USP34: variants seen among roughly 807,000 people sequenced by gnomAD.
The protein encoded by USP34 is ubiquitin carboxyl-terminal hydrolase 34.
In USP34, 70 loss-of-function variants were observed where a neutral mutation model predicts 460.3. That is an observed-to-expected ratio of 0.15 (90% confidence interval 0.13 to 0.19). The LOEUF (loss-of-function observed/expected upper bound fraction) is 0.19. USP34 is among the 10% of genes least tolerant of loss of function. The pLI is 1.00. For synonymous variants in USP34, 1,647 were observed against 1,405.3 expected (o/e 1.17, Z -3.85); for missense variants, 3,985 against 4,236.2 (o/e 0.94, Z 1.65).
chr2:61,296,711 G>A (rs537186286), intron 30 of USP34, 89 bp downstream of exon 30: 1 of 1,343,052 alleles, frequency 7.4e-7, no homozygotes, highest in Admixed American at 2.5e-5. Flanking sequence ...ATTTACTGAG[G>A]GTACATCAAC....
At chr2:61,425,096 C>G (rs1371644569) in intron 1 of USP34, among the ~76,000 whole-genome samples, 2 of 152,138 alleles carry the variant, frequency 1.3e-5, no homozygotes, top group East Asian at 3.8e-4. Context: ...AGGTGTGGCC[C>G]ACTGCGCCCA....
intron 5 of USP34, among the ~76,000 whole-genome samples, chr2:61,389,000 C>T (rs1218130825): frequency 1.3e-5 from 2 of 151,644 alleles, no homozygotes; most frequent in Non-Finnish European, 2.9e-5. Flanking sequence ...ATATAAATTT[C>T]GGCATTTAAA....
In USP34 at chr2:61,400,969, G is replaced by A. The variant is rs184130698; in HGVS notation, c.552+4739C>T. Among the ~76,000 whole-genome samples the A allele has an allele frequency of 7.2e-5, 11 of 151,974 alleles. 1 individual carries two copies. The East Asian group carries it at 2.1e-3, about 30-fold the overall frequency. Reference sequence around the variant, plus strand: ...GATTGAGACCATCCTGGCCAACATGGTGAAACCCTGTCTCTACTAAAAATA... The same window carrying A: ...GATTGAGACCATCCTGGCCAACATGATGAAACCCTGTCTCTACTAAAAATA... On this transcript the variant is annotated intron_variant, in intron 3 of 79. Transcript: ENST00000398571.
chr2:61,309,722 T>C (rs937444459), intron 27 of USP34, among the ~76,000 whole-genome samples: 2 of 152,194 alleles, frequency 1.3e-5, no homozygotes, highest in African/African-American at 4.8e-5. Flanking sequence ...TTATGGTAGA[T>C]CATGAAGAGC....
intron 10 of USP34, among the ~76,000 whole-genome samples, chr2:61,359,929 C>T (rs915483276): frequency 6.6e-5 from 10 of 151,678 alleles, no homozygotes; most frequent in Non-Finnish European, 1.5e-4. Flanking sequence ...GGACTACAGG[C>T]GCCCACCACC....
intron 21 of USP34, among the ~76,000 whole-genome samples, chr2:61,324,218 G>A (rs769397546): frequency 1.3e-5 from 2 of 152,176 alleles, no homozygotes; most frequent in African/African-American, 2.4e-5. Context: ...AATCAAGCTC[G>A]TTCCTCTCTT....
intron 1 of USP34, among the ~76,000 whole-genome samples, chr2:61,422,266 G>A (rs1464778983): frequency 6.6e-6 from 1 of 152,142 alleles, no homozygotes; most frequent in African/African-American, 2.4e-5. Context: ...TCCTTCCCCA[G>A]CCATAACAGT....
Position 61,470,965 on chromosome 2 carries a change from G to T in USP34, c.-273C>A, listed in dbSNP as rs1416893482. Among the ~76,000 whole-genome samples, 24 of 141,052 alleles carry T rather than the reference G, an allele frequency of 1.7e-4. No individual in the cohort carries two copies. Among genetic ancestry groups the T allele is most frequent in the Admixed American group, 1.6e-3 (23 of 14,486 alleles). 92.5% of individuals were successfully genotyped at this position (141,052 alleles called of 152,430 possible). A position where few individuals can be genotyped will look rare whatever the true frequency, so the allele number is the denominator to read the frequency against. ...GCCGGCGGCGGGGAAGGGGGGGAAG[G>T]ACGGGGGGAGGGGAGAGGGGGGGAG... is the stretch of plus-strand genomic sequence containing the variant. On this transcript the variant is annotated 5_prime_UTR_variant, in exon 1 of 80. Coordinates refer to ENST00000398571, the MANE Select transcript of USP34 (RefSeq NM_014709.4).
At chr2:61,266,310 T>A (rs1474570349) in intron 41 of USP34, 143 bp from the exon 42 acceptor site, 1 of 754,072 alleles carries the variant, frequency 1.3e-6, no homozygotes, top group Admixed American at 3.0e-5. Context: ...CTGAAAGTCC[T>A]CCGTGTTCAT....
intron 69 of USP34, among the ~76,000 whole-genome samples, chr2:61,210,971 A>G (rs191780434): frequency 1.3e-5 from 2 of 152,310 alleles, no homozygotes; most frequent in Admixed American, 6.5e-5. Context: ...TAAGTAGTAA[A>G]CTTTGGGAAA....
chr2:61,438,233 T>C (rs1162682877), intron 1 of USP34, among the ~76,000 whole-genome samples: 2 of 151,922 alleles, frequency 1.3e-5, no homozygotes, highest in Admixed American at 6.6e-5. Flanking sequence ...ATCTTAGCAA[T>C]AGAATGAAGG....
intron 28 of USP34, 60 bp downstream of exon 28, chr2:61,301,294 C>T: frequency 1.9e-6 from 3 of 1,558,366 alleles, no homozygotes; most frequent in African/African-American, 1.4e-5. Flanking sequence ...ACATCTGCGA[C>T]TATTCAACTG....
rs757229366 is a variant in USP34 at position 61,349,298 on chromosome 2, G to GA, written c.1508-14dup. Reference sequence around the variant, plus strand: ...AGCTCTTCTTCCTCTGAAGGAAAAGGAAAAAACAGGAGAAAAACATTCTAA... The same window carrying GA: ...AGCTCTTCTTCCTCTGAAGGAAAAGGAAAAAAACAGGAGAAAAACATTCTAA... On this transcript the variant is annotated splice_polypyrimidine_tract_variant and intron_variant, in intron 12 of 79. Transcript: ENST00000398571. The GA allele has an allele frequency of 2.4e-5, 38 of 1,611,754 alleles. 1 individual carries two copies. In the Middle Eastern group the frequency reaches 1.3e-3, roughly 56 times the overall value.
intron 24 of USP34, 48 bp downstream of exon 24, chr2:61,314,827 C>G: frequency 6.3e-7 from 1 of 1,594,980 alleles, no homozygotes; most frequent in Non-Finnish European, 8.5e-7. Context: ...TTTCACAAAA[C>G]ACCCTCACAT....
chr2:61,248,289 C>T (rs184457556), intron 49 of USP34, among the ~76,000 whole-genome samples: 30 of 151,948 alleles, frequency 2.0e-4, no homozygotes, highest in African/African-American at 7.2e-4. Context: ...TCCTGTTCAC[C>T]ACTGTGTCTC....
intron 8 of USP34, among the ~76,000 whole-genome samples, chr2:61,372,715 A>G (rs902927564): frequency 1.2e-4 from 19 of 152,196 alleles, no homozygotes; most frequent in Middle Eastern, 3.2e-3. Flanking sequence ...TGTCTCAAAA[A>G]TTTAAAGGGG....
At chr2:61,239,300 T>TCTCTCACACACACA (rs1213558114) in intron 53 of USP34, among the ~76,000 whole-genome samples, 7 of 132,766 alleles carry the variant, frequency 5.3e-5, no homozygotes, top group African/African-American at 2.0e-4. Flanking sequence ...GAGGGCCCTG[T>TCTCTCACACACACA]CACACACACA....
chr2:61,239,849 T>C (rs1361134327), intron 53 of USP34, among the ~76,000 whole-genome samples: 1 of 151,760 alleles, frequency 6.6e-6, no homozygotes, highest in African/African-American at 2.4e-5. Context: ...CTACTAAAAA[T>C]ACAAAAAAGA....
chr2:61,419,188 C>T (rs1446882251), intron 2 of USP34, among the ~76,000 whole-genome samples: 1 of 146,732 alleles, frequency 6.8e-6, no homozygotes. Context: ...TCCAAGGCCA[C>T]TTTTTTTTTT....
Sources: allele counts gnomAD v4.1 joint callset (sites outside exome capture counted in the v4.1 genomes callset), GRCh38; gene constraint gnomAD v4.1.1; transcripts MANE v1.5; gene names NCBI Gene and HGNC (gene_info 2026-07-23, HGNC 2026-07-21).